GUCY1A2: variants seen among roughly 807,000 people sequenced by gnomAD.
The protein encoded by GUCY1A2 is guanylate cyclase 1 soluble subunit alpha 2, also known as guanylate cyclase soluble subunit alpha-2.
GUCY1A2 carries 27 observed loss-of-function variants against 63.5 expected under a neutral mutation model. The observed-to-expected ratio is 0.43, with a 90% CI of 0.31 to 0.59. The LOEUF (loss-of-function observed/expected upper bound fraction) is 0.59, where lower values mean the gene tolerates loss of function less well. GUCY1A2 is among the 20% of genes least tolerant of loss of function. The probability of loss-of-function intolerance (pLI) is 0.11; values close to 1 mark genes in which losing one functional copy is unlikely to be tolerated. For synonymous variants in GUCY1A2, 364 were observed against 343.5 expected (o/e 1.06, Z -0.66); for missense variants, 768 against 913.3 (o/e 0.84, Z 2.05).
intron 6 of GUCY1A2, among the ~76,000 whole-genome samples, chr11:106,775,377 G>A (rs951408109): frequency 6.6e-6 from 1 of 151,958 alleles, no homozygotes; most frequent in African/African-American, 2.4e-5. Context: ...ATAATTTGAG[G>A]ATAGGATTGA....
chr11:106,794,791 T>C (rs1206615590), intron 5 of GUCY1A2, among the ~76,000 whole-genome samples: 1 of 152,112 alleles, frequency 6.6e-6, no homozygotes, highest in East Asian at 1.9e-4. Flanking sequence ...TGATAATTAT[T>C]TATTGAAAAT....
intron 6 of GUCY1A2, among the ~76,000 whole-genome samples, chr11:106,775,482 T>TC (rs1864339379): frequency 6.6e-6 from 1 of 150,610 alleles, no homozygotes; most frequent in Admixed American, 6.6e-5. Flanking sequence ...ATTACGTTTT[T>TC]TTTTTTCAAT....
chr11:106,875,852 C>A (rs919178983), intron 4 of GUCY1A2, among the ~76,000 whole-genome samples: 9 of 151,950 alleles, frequency 5.9e-5, no homozygotes, highest in Non-Finnish European at 1.2e-4. Flanking sequence ...ATCTATTATG[C>A]ATGCAGTCCT....
chr11:106,938,187 G>A lies in GUCY1A2; in HGVS notation c.1206+1273C>T, dbSNP rs867441010. Among the ~76,000 whole-genome samples, 9 of 152,086 alleles carry A rather than the reference G, an allele frequency of 5.9e-5. No individual in the cohort carries two copies. In the South Asian group the frequency reaches 6.2e-4, roughly 11 times the overall value. ...ACTCCTGACCTCAGGTGATCGATCT[G>A]CCCACCTCGGCCTCCCAAAGTGTTG... On this transcript the variant is annotated intron_variant, in intron 4 of 7. Coordinates refer to ENST00000526355, the MANE Select transcript of GUCY1A2 (RefSeq NM_000855.3).
At chr11:106,750,045 T>G (rs1215900257) in intron 6 of GUCY1A2, among the ~76,000 whole-genome samples, 1 of 152,056 alleles carries the variant, frequency 6.6e-6, no homozygotes, top group Admixed American at 6.6e-5. Context: ...AAGCCTATAA[T>G]TTCTCAGTCC....
chr11:106,761,552 A>G (rs79023530), intron 6 of GUCY1A2, among the ~76,000 whole-genome samples: 2,485 of 152,326 alleles, frequency 0.016, 72 homozygotes, highest in African/African-American at 0.056. Flanking sequence ...AAACATTGCC[A>G]TAGAGATGGA....
chr11:106,834,491 T>C (rs1454768342), intron 4 of GUCY1A2, among the ~76,000 whole-genome samples: 1 of 151,998 alleles, frequency 6.6e-6, no homozygotes, highest in Non-Finnish European at 1.5e-5. Flanking sequence ...TTCTAAAGTA[T>C]TCCAGTTTGG....
intron 4 of GUCY1A2, among the ~76,000 whole-genome samples, chr11:106,870,065 T>G (rs1019275086): frequency 1.6e-5 from 2 of 122,362 alleles, no homozygotes; most frequent in African/African-American, 6.4e-5. Flanking sequence ...TGAGAACTCT[T>G]GGACACAGGA....
chr11:106,864,732 T>C (rs1426781901), intron 4 of GUCY1A2, among the ~76,000 whole-genome samples: 3 of 152,152 alleles, frequency 2.0e-5, no homozygotes, highest in African/African-American at 4.8e-5. Context: ...GAGTCACATA[T>C]GTTGAACCAG....
At chr11:107,003,517 T>C (rs1861635395) in intron 1 of GUCY1A2, among the ~76,000 whole-genome samples, 1 of 152,168 alleles carries the variant, frequency 6.6e-6, no homozygotes, top group East Asian at 1.9e-4. Context: ...ACCTCTAAAG[T>C]AACTATCTTC....
chr11:106,796,921 G>C (rs563895907), intron 5 of GUCY1A2, among the ~76,000 whole-genome samples: 4 of 152,128 alleles, frequency 2.6e-5, no homozygotes, highest in Non-Finnish European at 1.5e-5. Context: ...CCAATCAGAC[G>C]TAGATTTGGT....
chr11:106,787,118 AATTTTTT>A lies in GUCY1A2; in HGVS notation c.1693-10543_1693-10537del, dbSNP rs940985227. 2.3e-3 allele frequency among the ~76,000 whole-genome samples: 352 copies of A among 151,352 alleles called. 2 individuals carry two copies. Among genetic ancestry groups the A allele is most frequent in the African/African-American group, 8.3e-3 (340 of 41,076 alleles). On this transcript the variant is annotated intron_variant, in intron 5 of 7. Coordinates refer to ENST00000526355, the MANE Select transcript of GUCY1A2 (RefSeq NM_000855.3). Reference sequence around the variant, plus strand: ...TTTGTGTGGTGGTTTCTTTTTTATTAATTTTTTATTTTTAATTGTGGGTACACAGTAT... The same window carrying A: ...TTTGTGTGGTGGTTTCTTTTTTATTAATTTTTAATTGTGGGTACACAGTAT...
At chr11:106,702,323 C>G (rs989273224) in intron 7 of GUCY1A2, among the ~76,000 whole-genome samples, 2 of 152,156 alleles carry the variant, frequency 1.3e-5, no homozygotes, top group Non-Finnish European at 2.9e-5. Flanking sequence ...GAATTATGCA[C>G]TGTATCAAAC....
intron 6 of GUCY1A2, chr11:106,746,683 C>T: frequency 8.4e-7 from 1 of 1,189,120 alleles, no homozygotes; most frequent in Non-Finnish European, 1.2e-6. Context: ...AATCAAGGGA[C>T]AAAAATAAAA....
At position 107,017,932 on chromosome 11, in the gene GUCY1A2, G is replaced by C. The variant is rs934189892; in HGVS notation, c.124C>G (p.Pro42Ala). The C allele has an allele frequency of 1.5e-6, 2 of 1,335,316 alleles. No homozygotes were observed. The highest frequency in any genetic ancestry group is 3.0e-5 in the African/African-American group (2 of 65,984). The allele number at this position is 1,335,316 out of a possible 1,614,324, so 82.7% of individuals were successfully genotyped here. ...GGGCTGGGCTCCAGCGGCCCGGGCG[G>C]GCTCCGGCTGCCATTCCAGCAGAGC... ...SRLCWNGSRS[P>A]PGPLEPSPAA... The change falls in exon 1 of 8, where the codon CCG (proline) becomes GCG (alanine). Residue 42 changes from proline to alanine, a missense_variant. Around this residue, in one of 3 missense-constraint regions of GUCY1A2, gnomAD observed 496 missense variants for 486.9 expected, o/e 1.02. Coordinates refer to ENST00000526355, the MANE Select transcript of GUCY1A2 (RefSeq NM_000855.3).
intron 5 of GUCY1A2, among the ~76,000 whole-genome samples, chr11:106,801,715 G>T (rs1355870814): frequency 6.6e-6 from 1 of 152,068 alleles, no homozygotes; most frequent in Non-Finnish European, 1.5e-5. Flanking sequence ...TTTTAAAAGG[G>T]TCTAACTGGA....
intron 4 of GUCY1A2, among the ~76,000 whole-genome samples, chr11:106,816,378 A>G (rs1040727206): frequency 1.1e-4 from 17 of 151,918 alleles, no homozygotes; most frequent in Admixed American, 6.6e-5. Context: ...TACACAATTC[A>G]TTTTAAAAGA....
At chr11:106,951,316 C>T (rs1038011277) in intron 3 of GUCY1A2, among the ~76,000 whole-genome samples, 1 of 152,194 alleles carries the variant, frequency 6.6e-6, no homozygotes, top group Non-Finnish European at 1.5e-5. Context: ...GGAATCGCCA[C>T]ACTGTCTTCC....
chr11:107,014,527 T>A (rs1591364742), intron 1 of GUCY1A2, among the ~76,000 whole-genome samples: 1 of 152,176 alleles, frequency 6.6e-6, no homozygotes, highest in African/African-American at 2.4e-5. Context: ...AATTCTGGAA[T>A]TTTTTTTCAA....
Sources: allele counts gnomAD v4.1 joint callset (sites outside exome capture counted in the v4.1 genomes callset), GRCh38; gene constraint gnomAD v4.1.1; regional missense constraint gnomAD v4.1.1; transcripts MANE v1.5; gene names NCBI Gene and HGNC (gene_info 2026-07-23, HGNC 2026-07-21).